Variants in SPIRE1 observed in about 807,000 individuals in gnomAD.
SPIRE1 encodes the protein spire type actin nucleation factor 1.
Under a neutral mutation model 94.1 loss-of-function variants are expected in SPIRE1, and 40 were observed. That is an observed-to-expected ratio of 0.43 (90% CI 0.33 to 0.55). The LOEUF (loss-of-function observed/expected upper bound fraction) is 0.55, where lower values mean the gene tolerates loss of function less well. Among genes scored for constraint, SPIRE1 ranks in the 20% least tolerant of loss-of-function variants. The pLI, the probability that SPIRE1 is intolerant of heterozygous loss-of-function variation, is 0.06. For synonymous variants in SPIRE1, 376 were observed against 371.7 expected (o/e 1.01, Z -0.13); for missense variants, 838 against 975.2 (o/e 0.86, Z 1.87).
intron 3 of SPIRE1, among the ~76,000 whole-genome samples, chr18:12,540,482 TCTC>T (rs1432822345): frequency 6.6e-6 from 1 of 152,070 alleles, no homozygotes; most frequent in African/African-American, 2.4e-5. Flanking sequence ...TTCAAGCGAT[TCTC>T]CTGCCTCAGC....
At position 12,512,446 on chromosome 18, in the gene SPIRE1, G is replaced by A. The variant is rs754269076; in HGVS notation, c.807+8C>T. On this transcript the variant is annotated splice_region_variant and intron_variant, in intron 5 of 16. Transcript: ENST00000409402. ...GTAAACAGATCAGAAAGCATTTCCA[G>A]CTCTTACCCAGTCAGCGTTTTTCAG... The A allele has an allele frequency of 2.6e-5, 41 of 1,600,216 alleles. 1 individual carries two copies. The highest frequency in any genetic ancestry group is 3.3e-4 in the Middle Eastern group (2 of 6,024).
intron 2 of SPIRE1, among the ~76,000 whole-genome samples, chr18:12,616,527 G>C (rs1345075575): frequency 6.6e-6 from 1 of 152,206 alleles, no homozygotes; most frequent in Non-Finnish European, 1.5e-5. Context: ...AGAGAAAGTT[G>C]AAGAATTTTT....
chr18:12,499,285 C>T (rs957771886), intron 6 of SPIRE1, among the ~76,000 whole-genome samples: 3 of 152,062 alleles, frequency 2.0e-5, no homozygotes, highest in African/African-American at 4.8e-5. Context: ...TTAATGGTCT[C>T]GGCACCCTTG....
At chr18:12,509,839 T>G (rs1168840073) in intron 5 of SPIRE1, among the ~76,000 whole-genome samples, 1 of 152,112 alleles carries the variant, frequency 6.6e-6, no homozygotes, top group Non-Finnish European at 1.5e-5. Context: ...TCCCAGCACT[T>G]TGGGAGGCCA....
intron 2 of SPIRE1, among the ~76,000 whole-genome samples, chr18:12,617,209 G>A (rs1436368360): frequency 6.0e-5 from 9 of 149,074 alleles, no homozygotes; most frequent in Non-Finnish European, 1.0e-4. Context: ...GCCCAGGCTG[G>A]AGTGCAGTGG....
intron 1 of SPIRE1, among the ~76,000 whole-genome samples, chr18:12,654,736 A>C (rs1487741904): frequency 6.6e-6 from 1 of 151,080 alleles, no homozygotes; most frequent in Non-Finnish European, 1.5e-5. Context: ...GTTCCTTAAA[A>C]CTGAAACGAG....
intron 10 of SPIRE1, among the ~76,000 whole-genome samples, chr18:12,477,736 C>T (rs1271199510): frequency 2.0e-5 from 3 of 152,164 alleles, no homozygotes; most frequent in African/African-American, 7.2e-5. Context: ...CGAGGCCACG[C>T]TGACTCTGAC....
At chr18:12,492,048 G>A (rs1055408443) in intron 8 of SPIRE1, among the ~76,000 whole-genome samples, 2 of 152,212 alleles carry the variant, frequency 1.3e-5, no homozygotes, top group Admixed American at 6.5e-5. Context: ...TGTAGGATAT[G>A]ATAAGGCTCT....
At chr18:12,527,927 G>A (rs1169936963) in intron 4 of SPIRE1, among the ~76,000 whole-genome samples, 1 of 152,000 alleles carries the variant, frequency 6.6e-6, no homozygotes, top group Non-Finnish European at 1.5e-5. Flanking sequence ...TTAGCCGGGC[G>A]TGGTGGCGGG....
Position 12,469,683 on chromosome 18 carries a change from CAT to C in SPIRE1, c.1405-4727_1405-4726del, listed in dbSNP as rs957897068. ...CATATAATTTATATATTATATATAA[CAT>C]ATATAATTTGTATAATTTATATAAA... On this transcript the variant is annotated intron_variant, in intron 10 of 16. Coordinates refer to ENST00000409402, the MANE Select transcript of SPIRE1 (RefSeq NM_001128626.2). 2.6e-4 allele frequency among the ~76,000 whole-genome samples: 35 copies of C among 136,400 alleles called. 1 individual carries two copies. The highest frequency in any genetic ancestry group is 6.7e-4 in the South Asian group (3 of 4,472). 89.5% of individuals were successfully genotyped at this position (136,400 alleles called of 152,430 possible).
chr18:12,610,097 T>C (rs1258891257), intron 2 of SPIRE1, among the ~76,000 whole-genome samples: 2 of 150,902 alleles, frequency 1.3e-5, no homozygotes, highest in African/African-American at 4.9e-5. Context: ...GAGGTCCAAC[T>C]ACCATATACC....
intron 12 of SPIRE1, among the ~76,000 whole-genome samples, chr18:12,457,361 T>C (rs542727211): frequency 1.3e-5 from 2 of 152,358 alleles, no homozygotes; most frequent in East Asian, 1.9e-4. Context: ...AAAATATTAA[T>C]TCGACATCTC....
At chr18:12,546,551 T>C (rs963657407) in intron 3 of SPIRE1, 123 bp downstream of exon 3, 6 of 736,704 alleles carry the variant, frequency 8.1e-6, no homozygotes, top group African/African-American at 1.8e-5. Flanking sequence ...CAGTGAGCCA[T>C]GATCACACCA....
chr18:12,632,636 T>C (rs535976188), intron 2 of SPIRE1, among the ~76,000 whole-genome samples: 1 of 152,354 alleles, frequency 6.6e-6, no homozygotes, highest in East Asian at 1.9e-4. Context: ...TACCTATTTT[T>C]CTGAATTAAA....
intron 3 of SPIRE1, among the ~76,000 whole-genome samples, chr18:12,540,158 T>C (rs946152349): frequency 2.0e-5 from 3 of 152,146 alleles, no homozygotes; most frequent in Non-Finnish European, 4.4e-5. Flanking sequence ...AACTCTTCAG[T>C]GTTCCTCAAG....
intron 3 of SPIRE1, among the ~76,000 whole-genome samples, chr18:12,539,453 T>C (rs2034944278): frequency 2.0e-5 from 3 of 152,136 alleles, no homozygotes; most frequent in Non-Finnish European, 4.4e-5. Flanking sequence ...CCTATTTTTC[T>C]TCCCAGTTTT....
intron 1 of SPIRE1, among the ~76,000 whole-genome samples, chr18:12,637,512 G>A (rs1404646174): frequency 2.6e-5 from 4 of 152,160 alleles, no homozygotes; most frequent in African/African-American, 9.7e-5. Flanking sequence ...TTGCAGCAAT[G>A]AGCACATGAG....
intron 2 of SPIRE1, among the ~76,000 whole-genome samples, chr18:12,608,245 T>C (rs982150320): frequency 4.6e-5 from 7 of 152,154 alleles, no homozygotes; most frequent in Admixed American, 4.6e-4. Context: ...TGTCTGAGGC[T>C]ATCACTATTA....
chr18:12,617,993 ACCTG>A (rs1299886440), intron 2 of SPIRE1, among the ~76,000 whole-genome samples: 3 of 152,228 alleles, frequency 2.0e-5, no homozygotes, highest in Non-Finnish European at 4.4e-5. Context: ...TTATATTTTT[ACCTG>A]TAGTTCCATG....
Sources: allele counts gnomAD v4.1 joint callset (sites outside exome capture counted in the v4.1 genomes callset), GRCh38; gene constraint gnomAD v4.1.1; transcripts MANE v1.5; gene names NCBI Gene and HGNC (gene_info 2026-07-23, HGNC 2026-07-21).